Variants in EBF1 observed in about 807,000 individuals in gnomAD.
EBF1 encodes the protein EBF transcription factor 1.
A neutral mutation model predicts 68.4 loss-of-function variants in EBF1; 10 were observed. That is an observed-to-expected ratio of 0.15 (90% CI 0.09 to 0.25). The LOEUF is 0.25. Ranked by LOEUF, EBF1 falls within the 10% of genes least tolerant of loss-of-function variation. The probability of loss-of-function intolerance (pLI) is 1.00; values close to 1 mark genes in which losing one functional copy is unlikely to be tolerated. For synonymous variants in EBF1, 298 were observed against 299.8 expected (o/e 0.99, Z 0.06); for missense variants, 509 against 794.4 (o/e 0.64, Z 4.32).
rs371854002 is a variant in EBF1 at position 158,839,808 on chromosome 5, C to A, written c.636+221G>T. Among the ~76,000 whole-genome samples the A allele has an allele frequency of 6.0e-4, 92 of 152,316 alleles. No individual in the cohort carries two copies. In the South Asian group the frequency reaches 7.3e-3, roughly 12 times the overall value. Reference sequence around the variant, plus strand: ...GTCCACTCAGGCAGCCAAAACTAGACTCAAAGAACACCATTGTTTCCACCA... The same window carrying A: ...GTCCACTCAGGCAGCCAAAACTAGAATCAAAGAACACCATTGTTTCCACCA... On this transcript the variant is annotated intron_variant, in intron 7 of 15. Transcript: ENST00000313708.
intron 6 of EBF1, among the ~76,000 whole-genome samples, chr5:159,045,087 T>C (rs748754665): frequency 5.6e-4 from 86 of 152,322 alleles, no homozygotes; most frequent in Non-Finnish European, 1.1e-3. Flanking sequence ...ATAGGCTTTA[T>C]GAAGTAGTCC....
At chr5:159,092,218 G>A (rs532229151) in intron 4 of EBF1, among the ~76,000 whole-genome samples, 29 of 152,264 alleles carry the variant, frequency 1.9e-4, no homozygotes, top group South Asian at 2.1e-4. Context: ...GTCCTACAGG[G>A]CATTCTGCAT....
chr5:159,082,855 T>C (rs1320663825), intron 5 of EBF1, among the ~76,000 whole-genome samples: 2 of 152,206 alleles, frequency 1.3e-5, no homozygotes, highest in South Asian at 4.1e-4. Flanking sequence ...AATTTTATTT[T>C]TGCTATTTTT....
chr5:159,012,804 G>A (rs1175007217), intron 6 of EBF1, among the ~76,000 whole-genome samples: 1 of 152,186 alleles, frequency 6.6e-6, no homozygotes, highest in Non-Finnish European at 1.5e-5. Context: ...CAGCCTTGGA[G>A]ACAGGGTCTT....
intron 15 of EBF1, among the ~76,000 whole-genome samples, chr5:158,701,516 T>C (rs150443463): frequency 3.7e-4 from 56 of 152,302 alleles, no homozygotes; most frequent in Middle Eastern, 3.4e-3. Flanking sequence ...TTTTGGACCA[T>C]TGGGGCTGCA....
chr5:159,032,483 A>C (rs1192032570), intron 6 of EBF1, among the ~76,000 whole-genome samples: 1 of 152,202 alleles, frequency 6.6e-6, no homozygotes, highest in African/African-American at 2.4e-5. Flanking sequence ...TCCTTGGACT[A>C]TTACATAAAG....
intron 6 of EBF1, among the ~76,000 whole-genome samples, chr5:158,998,623 G>A (rs189028183): frequency 3.3e-5 from 5 of 152,188 alleles, no homozygotes; most frequent in African/African-American, 9.6e-5. Flanking sequence ...CCCACCTACC[G>A]CCCTTATTGT....
chr5:158,989,861 T>G (rs1759914810), intron 6 of EBF1, among the ~76,000 whole-genome samples: 1 of 152,136 alleles, frequency 6.6e-6, no homozygotes, highest in Admixed American at 6.5e-5. Flanking sequence ...CCCTGCTAAG[T>G]GCTATGGAGT....
chr5:159,088,214 C>G (rs559715393), intron 4 of EBF1, among the ~76,000 whole-genome samples: 2 of 152,082 alleles, frequency 1.3e-5, no homozygotes, highest in African/African-American at 4.8e-5. Flanking sequence ...GGTATGGGCA[C>G]GGAAATCAAC....
intron 6 of EBF1, chr5:158,985,740 A>G (rs1758888342): frequency 6.6e-6 from 1 of 152,222 alleles, no homozygotes; most frequent in Non-Finnish European, 1.5e-5. Flanking sequence ...CTATTTGCCT[A>G]CTTCTCAGAT....
intron 8 of EBF1, among the ~76,000 whole-genome samples, chr5:158,813,286 T>G (rs1380495200): frequency 1.3e-5 from 2 of 152,234 alleles, no homozygotes; most frequent in African/African-American, 2.4e-5. Context: ...TTAAAAATGT[T>G]TAAATGTTTA....
chr5:158,879,653 G>A (rs1488400809), intron 6 of EBF1, among the ~76,000 whole-genome samples: 3 of 152,166 alleles, frequency 2.0e-5, no homozygotes, highest in African/African-American at 2.4e-5. Context: ...CATGGCACAT[G>A]TATACATATG....
chr5:158,947,019 T>C (rs1814900661), intron 6 of EBF1, among the ~76,000 whole-genome samples: 1 of 152,210 alleles, frequency 6.6e-6, no homozygotes, highest in Admixed American at 6.5e-5. Flanking sequence ...GCCTCTGTAA[T>C]GGCAAATGCC....
chr5:158,891,852 C>G (rs553087783), intron 6 of EBF1, among the ~76,000 whole-genome samples: 1 of 152,042 alleles, frequency 6.6e-6, no homozygotes, highest in South Asian at 2.1e-4. Flanking sequence ...TTCTTCTGGT[C>G]TCACTGACAA....
intron 7 of EBF1, among the ~76,000 whole-genome samples, chr5:158,838,384 T>C (rs918123278): frequency 7.0e-6 from 1 of 143,042 alleles, no homozygotes; most frequent in Non-Finnish European, 1.5e-5. Flanking sequence ...AGGCAGAGCT[T>C]GCAGTGAGCC....
chr5:158,803,118 T>C (rs994118258), intron 8 of EBF1, among the ~76,000 whole-genome samples: 1 of 152,136 alleles, frequency 6.6e-6, no homozygotes, highest in African/African-American at 2.4e-5. Flanking sequence ...TTTAATGTTA[T>C]TGTCCCAAAT....
intron 6 of EBF1, among the ~76,000 whole-genome samples, chr5:159,007,775 A>T (rs1763850785): frequency 6.7e-6 from 1 of 150,130 alleles, no homozygotes; most frequent in South Asian, 2.1e-4. Context: ...CACAGTTCCA[A>T]TTTTTTTTTT....
chr5:158,724,443 C>A (rs574679000), intron 11 of EBF1, among the ~76,000 whole-genome samples: 1 of 152,174 alleles, frequency 6.6e-6, no homozygotes, highest in Non-Finnish European at 1.5e-5. Context: ...TGCTAGGAGG[C>A]AACGTGGTTA....
chr5:158,805,448 C>T (rs1049347496), intron 8 of EBF1, among the ~76,000 whole-genome samples: 2 of 152,074 alleles, frequency 1.3e-5, no homozygotes, highest in Non-Finnish European at 2.9e-5. Flanking sequence ...GTTTGCCTTT[C>T]CTTATCTGAA....
Sources: allele counts gnomAD v4.1 joint callset (sites outside exome capture counted in the v4.1 genomes callset), GRCh38; gene constraint gnomAD v4.1.1; transcripts MANE v1.5; gene names NCBI Gene and HGNC (gene_info 2026-07-23, HGNC 2026-07-21).